LEKR1: variants seen among roughly 807,000 people sequenced by gnomAD.
The protein encoded by LEKR1 is leucine, glutamate and lysine rich 1.
LEKR1 carries 59 observed loss-of-function variants against 72.4 expected under a neutral mutation model. That is an observed-to-expected ratio of 0.82 (90% confidence interval 0.66 to 1.01). The LOEUF (loss-of-function observed/expected upper bound fraction) is 1.01, where lower values mean the gene tolerates loss of function less well. LEKR1 is among the 50% of genes least tolerant of loss of function. LEKR1 has a pLI of 0.00. For synonymous variants in LEKR1, 257 were observed against 263.2 expected, an observed-to-expected ratio of 0.98 and a Z score of 0.23; for missense variants, 728 against 759.2, an observed-to-expected ratio of 0.96 and a Z score of 0.48.
intron 3 of LEKR1, among the ~76,000 whole-genome samples, chr3:156,858,661 C>T (rs116455089): frequency 0.017 from 2,469 of 144,682 alleles, 70 homozygotes; most frequent in African/African-American, 0.061. Context: ...GATGGCAGAG[C>T]GAGACCCTGT....
intron 12 of LEKR1, among the ~76,000 whole-genome samples, chr3:157,040,309 C>G (rs997738065): frequency 6.6e-6 from 1 of 152,190 alleles, no homozygotes; most frequent in Non-Finnish European, 1.5e-5. Context: ...AAATCTGCCT[C>G]TGAAGCATAT....
Position 157,045,413 on chromosome 3 carries a change from C to A in LEKR1, c.1742C>A (p.Ala581Asp), listed in dbSNP as rs1313403965. Residue 581 changes from alanine to aspartate, a missense_variant, in exon 13 of 13, where the codon GCC (alanine) becomes GAC (aspartate). Physicochemically the swap from Ala to Asp is moderately radical, Grantham distance 126. Coordinates refer to ENST00000356539, the MANE Select transcript of LEKR1 (RefSeq NM_001004316.3). ...RFELTEALSQ[A>D]REQLLELSKL... ...GAACTGACAGAGGCTTTGAGTCAAG[C>A]CAGAGAACAGCTCCTGGAGCTCAGT... is the stretch of plus-strand genomic sequence containing the variant. 1.9e-6 allele frequency: 3 copies of A among 1,613,934 alleles called. No individual in the cohort carries two copies. In the African/African-American group the frequency reaches 4.0e-5, roughly 22 times the overall value.
At chr3:157,044,804 T>A (rs1735632042) in intron 12 of LEKR1, among the ~76,000 whole-genome samples, 1 of 152,252 alleles carries the variant, frequency 6.6e-6, no homozygotes, top group South Asian at 2.1e-4. Context: ...AAGCATCATA[T>A]GAGAACTGAT....
intron 3 of LEKR1, among the ~76,000 whole-genome samples, chr3:156,884,396 A>G (rs573210923): frequency 1.3e-5 from 2 of 151,974 alleles, no homozygotes; most frequent in Admixed American, 6.6e-5. Context: ...TCTTTTAAGG[A>G]AGTTTGATTT....
chr3:156,875,920 G>A (rs75423126), intron 3 of LEKR1, among the ~76,000 whole-genome samples: 4,730 of 149,498 alleles, frequency 0.032, 113 homozygotes, highest in Non-Finnish European at 0.048. Context: ...GCATGAACCC[G>A]GGGGGCAGAG....
chr3:156,908,108 G>T (rs1722710947), intron 3 of LEKR1, among the ~76,000 whole-genome samples: 2 of 152,202 alleles, frequency 1.3e-5, no homozygotes, highest in South Asian at 2.1e-4. Flanking sequence ...TCATATCAGG[G>T]TGTGTGTCAT....
intron 3 of LEKR1, among the ~76,000 whole-genome samples, chr3:156,904,931 A>G (rs532059470): frequency 1.3e-5 from 2 of 152,218 alleles, no homozygotes; most frequent in Admixed American, 1.3e-4. Context: ...TAGACTATCT[A>G]AATATTAAAG....
intron 12 of LEKR1, among the ~76,000 whole-genome samples, chr3:157,038,307 G>T (rs1735105399): frequency 6.6e-6 from 1 of 152,204 alleles, no homozygotes; most frequent in Admixed American, 6.5e-5. Flanking sequence ...CTGAGAGAGT[G>T]CTGAGATGGG....
chr3:156,903,167 A>G (rs1722201491), intron 3 of LEKR1, among the ~76,000 whole-genome samples: 2 of 152,126 alleles, frequency 1.3e-5, no homozygotes, highest in South Asian at 2.1e-4. Flanking sequence ...TTATGCTTCA[A>G]ATAGTCTATA....
At chr3:157,041,547 G>A (rs1331494434) in intron 12 of LEKR1, among the ~76,000 whole-genome samples, 3 of 152,048 alleles carry the variant, frequency 2.0e-5, no homozygotes, top group African/African-American at 2.4e-5. Flanking sequence ...CTCCCCGTGT[G>A]CACCTGCCTG....
At chr3:156,921,225 A>C (rs1724164460) in intron 4 of LEKR1, among the ~76,000 whole-genome samples, 1 of 152,138 alleles carries the variant, frequency 6.6e-6, no homozygotes, top group African/African-American at 2.4e-5. Context: ...GAGTATATTG[A>C]GAATGTTTAT....
intron 3 of LEKR1, among the ~76,000 whole-genome samples, chr3:156,913,438 T>C (rs141376480): frequency 9.2e-5 from 14 of 152,310 alleles, no homozygotes; most frequent in African/African-American, 3.4e-4. Flanking sequence ...TAGAATATTA[T>C]TACTGTATAG....
At chr3:156,969,930 A>C (rs951864624) in intron 6 of LEKR1, among the ~76,000 whole-genome samples, 2 of 152,238 alleles carry the variant, frequency 1.3e-5, no homozygotes, top group Non-Finnish European at 2.9e-5. Context: ...CACCATGATC[A>C]AGTGGGCTTC....
intron 3 of LEKR1, among the ~76,000 whole-genome samples, chr3:156,893,892 A>G (rs1036173456): frequency 6.6e-6 from 1 of 152,246 alleles, no homozygotes; most frequent in African/African-American, 2.4e-5. Flanking sequence ...GGTAATGGAC[A>G]TGGCCCAACT....
intron 6 of LEKR1, among the ~76,000 whole-genome samples, chr3:156,960,435 G>A (rs867856708): frequency 1.6e-4 from 24 of 152,056 alleles, no homozygotes; most frequent in African/African-American, 4.1e-4. Context: ...ACAGACATGC[G>A]CCACCAAGCC....
intron 2 of LEKR1, among the ~76,000 whole-genome samples, chr3:156,848,350 G>C (rs1714885100): frequency 6.6e-6 from 1 of 152,122 alleles, no homozygotes; most frequent in African/African-American, 2.4e-5. Flanking sequence ...TACAACCAAT[G>C]AACTTAATTT....
In LEKR1 at chr3:157,021,652, C is replaced by T. The variant is rs530551564; in HGVS notation, c.1204-3108C>T. On this transcript the variant is annotated intron_variant, in intron 10 of 12. Coordinates refer to ENST00000356539, the MANE Select transcript of LEKR1 (RefSeq NM_001004316.3). ...AATCAATCCGTATTTGGAAAGATGTCGTTTTGTCCTAAAATAGCTATTGGG... is the reference window on the plus strand; with the variant it reads ...AATCAATCCGTATTTGGAAAGATGTTGTTTTGTCCTAAAATAGCTATTGGG... Among the ~76,000 whole-genome samples the T allele has an allele frequency of 1.6e-4, 25 of 152,226 alleles. No individual in the cohort carries two copies. The South Asian group carries it at 5.0e-3, about 30-fold the overall frequency.
intron 12 of LEKR1, among the ~76,000 whole-genome samples, chr3:157,041,057 A>C (rs1735305722): frequency 6.6e-6 from 1 of 152,190 alleles, no homozygotes; most frequent in Admixed American, 6.5e-5. Flanking sequence ...AGAAATTTCA[A>C]ACATATGGTG....
At chr3:156,973,977 A>T (rs1416267402) in intron 6 of LEKR1, among the ~76,000 whole-genome samples, 1 of 152,172 alleles carries the variant, frequency 6.6e-6, no homozygotes, top group Non-Finnish European at 1.5e-5. Context: ...GGCAGTATTT[A>T]TGTGTATTCC....
Sources: gnomAD v4.1 joint callset for allele counts (sites outside exome capture counted in the v4.1 genomes callset) on GRCh38, gnomAD v4.1.1 for gene constraint, MANE v1.5 for transcripts, NCBI Gene and HGNC (gene_info 2026-07-23, HGNC 2026-07-21) for gene names.